Variants in YAF2 observed in about 807,000 individuals in gnomAD.
YAF2 encodes the protein YY1 associated factor 2.
A neutral mutation model predicts 20.1 loss-of-function variants in YAF2; 7 were observed. The observed-to-expected ratio is 0.35, with a 90% CI of 0.20 to 0.65. YAF2 has a LOEUF of 0.65. YAF2 is among the 30% of genes least tolerant of loss of function. The pLI, the probability that YAF2 is intolerant of heterozygous loss-of-function variation, is 0.69. For synonymous variants in YAF2, 74 were observed against 76.0 expected (o/e 0.97, Z 0.14); for missense variants, 151 against 219.2 (o/e 0.69, Z 1.96).
intron 2 of YAF2, among the ~76,000 whole-genome samples, chr12:42,162,415 T>C (rs1344243894): frequency 6.6e-6 from 1 of 152,192 alleles, no homozygotes; most frequent in African/African-American, 2.4e-5. Context: ...ATATCTGAAA[T>C]GTTGCCTGGC....
At chr12:42,178,922 G>A (rs1202340212) in intron 2 of YAF2, among the ~76,000 whole-genome samples, 1 of 152,022 alleles carries the variant, frequency 6.6e-6, no homozygotes. Flanking sequence ...GTGTGGTGGT[G>A]CGTGCCTGTA....
intron 2 of YAF2, among the ~76,000 whole-genome samples, chr12:42,227,731 C>T (rs1285543339): frequency 4.6e-5 from 7 of 151,060 alleles, no homozygotes; most frequent in Non-Finnish European, 8.9e-5. Context: ...GGCAGCCACC[C>T]CGTCCGGGAG....
chr12:42,174,445 C>T (rs2137012423), intron 2 of YAF2, among the ~76,000 whole-genome samples: 1 of 152,330 alleles, frequency 6.6e-6, no homozygotes, highest in Admixed American at 6.5e-5. Flanking sequence ...ACTGGCTACT[C>T]TTTCACAGTT....
rs75277041 is a variant in YAF2 at position 42,222,937 on chromosome 12, CT to C, written c.152+14661del. Among the ~76,000 whole-genome samples the C allele has an allele frequency of 3.9e-3, 543 of 140,642 alleles. 3 individuals carry two copies. Among genetic ancestry groups the C allele is most frequent in the Admixed American group, 5.9e-3 (84 of 14,132 alleles). The allele number at this position is 140,642 out of a possible 152,430, so 92.3% of individuals were successfully genotyped here. A position where few individuals can be genotyped will look rare whatever the true frequency, so the allele number is the denominator to read the frequency against. The stretch of plus-strand genomic sequence containing the variant: ...GCTTATAATTTATTGCTGCCAAATT[CT>C]TTTTTTTTTTTTTGTTACCATTGGT... On this transcript the variant is annotated intron_variant, in intron 2 of 3. Coordinates refer to ENST00000534854, the MANE Select transcript of YAF2 (RefSeq NM_005748.6).
At chr12:42,211,597 T>G (rs137966648) in intron 2 of YAF2, among the ~76,000 whole-genome samples, 1,596 of 150,378 alleles carry the variant, frequency 0.011, 28 homozygotes, top group African/African-American at 0.037. Flanking sequence ...ATACAAAAAG[T>G]AGCCAGGTGT....
At position 42,170,268 on chromosome 12, in the gene YAF2, A is replaced by G. The variant is rs141650008; in HGVS notation, c.153-8503T>C. On this transcript the variant is annotated intron_variant, in intron 2 of 3. Coordinates refer to ENST00000534854, the MANE Select transcript of YAF2 (RefSeq NM_005748.6). ...AGGATTGTGTCTTTTCATTTTTGAA[A>G]CACTGGTAACAAGCTCAGAGCCTGA... Among the ~76,000 whole-genome samples, 800 of 152,274 alleles carry G rather than the reference A, an allele frequency of 5.3e-3. 6 individuals are homozygous for G. Among genetic ancestry groups the G allele is most frequent in the African/African-American group, 0.019 (769 of 41,552 alleles).
intron 2 of YAF2, chr12:42,231,856 G>C (rs565854872): frequency 6.6e-6 from 1 of 152,160 alleles, no homozygotes; most frequent in African/African-American, 2.4e-5. Flanking sequence ...ATAGTATCAA[G>C]TGTTTTCCTT....
At chr12:42,229,978 G>A (rs2067929616) in intron 2 of YAF2, among the ~76,000 whole-genome samples, 1 of 152,200 alleles carries the variant, frequency 6.6e-6, no homozygotes, top group African/African-American at 2.4e-5. Flanking sequence ...TCTTTGAAAA[G>A]TACCATATGG....
At chr12:42,232,127 GT>G (rs1459202488) in intron 2 of YAF2, 2 of 152,240 alleles carry the variant, frequency 1.3e-5, no homozygotes. Context: ...AATAAAATTA[GT>G]AAATTTTTCT....
At chr12:42,189,001 C>T (rs1405052860) in intron 2 of YAF2, among the ~76,000 whole-genome samples, 4 of 152,068 alleles carry the variant, frequency 2.6e-5, no homozygotes, top group African/African-American at 9.7e-5. Flanking sequence ...TGAGACTATA[C>T]CTACAACTGG....
intron 2 of YAF2, among the ~76,000 whole-genome samples, chr12:42,227,985 C>T (rs1297689499): frequency 7.0e-6 from 1 of 142,092 alleles, no homozygotes; most frequent in East Asian, 2.2e-4. Flanking sequence ...GGGGTCAGCC[C>T]CCCGCCTGGC....
intron 2 of YAF2, among the ~76,000 whole-genome samples, chr12:42,227,182 A>G (rs1328631039): frequency 1.7e-4 from 25 of 144,618 alleles, no homozygotes; most frequent in African/African-American, 6.2e-4. Flanking sequence ...GACGGGCCCC[A>G]CGGGGCCCGA....
At chr12:42,201,937 T>G (rs1395716012) in intron 2 of YAF2, among the ~76,000 whole-genome samples, 2 of 152,362 alleles carry the variant, frequency 1.3e-5, no homozygotes, top group South Asian at 2.1e-4. Flanking sequence ...CCTTGATGTC[T>G]TTAACCTTGA....
intron 2 of YAF2, among the ~76,000 whole-genome samples, chr12:42,196,733 A>G (rs1359385454): frequency 6.6e-6 from 1 of 152,228 alleles, no homozygotes; most frequent in African/African-American, 2.4e-5. Flanking sequence ...AAGAAGTTGG[A>G]AATACAAAAT....
intron 2 of YAF2, among the ~76,000 whole-genome samples, chr12:42,224,382 C>CT (rs202195796): frequency 0.024 from 3,659 of 151,994 alleles, 145 homozygotes; most frequent in African/African-American, 0.084. Flanking sequence ...CAATATATTT[C>CT]TTTTTTTTAT....
intron 2 of YAF2, among the ~76,000 whole-genome samples, chr12:42,166,443 G>C (rs985365159): frequency 6.6e-6 from 1 of 152,138 alleles, no homozygotes; most frequent in Non-Finnish European, 1.5e-5. Context: ...GTCAAATATA[G>C]AAGATAAAGA....
At chr12:42,169,147 A>G (rs919127519) in intron 2 of YAF2, among the ~76,000 whole-genome samples, 2 of 152,186 alleles carry the variant, frequency 1.3e-5, no homozygotes, top group East Asian at 3.9e-4. Flanking sequence ...CACTAAAGAA[A>G]CCATACTAAG....
chr12:42,213,931 T>C (rs945601774), intron 2 of YAF2, among the ~76,000 whole-genome samples: 1 of 152,198 alleles, frequency 6.6e-6, no homozygotes, highest in Non-Finnish European at 1.5e-5. Flanking sequence ...GTCATCTAGA[T>C]AAAGGGCATT....
At chr12:42,187,225 T>C (rs1004420551) in intron 2 of YAF2, among the ~76,000 whole-genome samples, 1 of 152,260 alleles carries the variant, frequency 6.6e-6, no homozygotes, top group East Asian at 1.9e-4. Context: ...GGCACAATCA[T>C]AGTTCACTGT....
Sources: gnomAD v4.1 joint callset for allele counts (sites outside exome capture counted in the v4.1 genomes callset) on GRCh38, gnomAD v4.1.1 for gene constraint, MANE v1.5 for transcripts, NCBI Gene and HGNC (gene_info 2026-07-23, HGNC 2026-07-21) for gene names.